The following FLNB variants were observed in gnomAD, a reference collection of about 807,000 sequenced individuals.
FLNB encodes filamin B.
Under a neutral mutation model 250.6 loss-of-function variants are expected in FLNB, and 111 were observed. The observed-to-expected ratio is 0.44, with a 90% CI of 0.38 to 0.52. FLNB has a LOEUF of 0.52. Ranked by LOEUF, FLNB falls within the 20% of genes least tolerant of loss-of-function variation. The pLI is 0.00. For missense variants in FLNB, 2,869 were observed against 3,447.8 expected (o/e 0.83, Z 4.20); for synonymous variants, 1,302 against 1,372.1 (o/e 0.95, Z 1.13).
chr3:58,100,373 A>ATATATATATATATATATATATATATATAT lies in FLNB; in HGVS notation c.1345+1465_1345+1466insTATATATATATATATATATATATATATAT, dbSNP rs1553696152. Among the ~76,000 whole-genome samples the ATATATATATATATATATATATATATATAT allele has an allele frequency of 7.8e-4, 81 of 104,328 alleles. 2 individuals carry two copies. The highest frequency in any genetic ancestry group is 2.1e-3 in the African/African-American group (47 of 21,904). The allele number at this position is 104,328 out of a possible 152,430, so 68.4% of individuals were successfully genotyped here. A position where few individuals can be genotyped will look rare whatever the true frequency, so the allele number is the denominator to read the frequency against. On this transcript the variant is annotated intron_variant, in intron 8 of 45. Coordinates refer to ENST00000295956, the MANE Select transcript of FLNB (RefSeq NM_001457.4). ...AATGATTTTACATATGTAAAAAAAA[A>ATATATATATATATATATATATATATATAT]ATATATATATATTTGCAGGGGCGCG...
rs2097291987 is a variant in FLNB at position 58,123,204 on chromosome 3, C to T, written c.3238C>T (p.Pro1080Ser). Reference protein sequence around the residue: ...TGGLGLTVEGPCEAKIECSDN... With the variant: ...TGGLGLTVEGSCEAKIECSDN... ...AGGTCTGGGCTTAACGGTGGAAGGT[C>T]CGTGCGAGGCCAAAATCGAGTGCTC... Residue 1080 changes from proline to serine, a missense_variant, in exon 21 of 46, where the codon CCG (proline) becomes TCG (serine). Physicochemically the swap from Pro to Ser is moderately conservative, Grantham distance 74. This residue lies in a region of FLNB where 1,348 missense variants were observed against 1,466.7 expected (regional missense o/e 0.92). Transcript: ENST00000295956. The T allele has an allele frequency of 6.2e-7, 1 of 1,613,818 alleles. No individual in the cohort carries two copies. Among genetic ancestry groups the T allele is most frequent in the East Asian group, 2.2e-5 (1 of 44,892 alleles).
chr3:58,151,873 G>A (rs955454721), intron 38 of FLNB, among the ~76,000 whole-genome samples: 4 of 152,162 alleles, frequency 2.6e-5, no homozygotes, highest in African/African-American at 4.8e-5. Flanking sequence ...TTGGCAGACC[G>A]CCCTCCACAT....
chr3:58,074,113 A>G (rs890256490), intron 1 of FLNB, among the ~76,000 whole-genome samples: 1 of 152,254 alleles, frequency 6.6e-6, no homozygotes, highest in Non-Finnish European at 1.5e-5. Flanking sequence ...AAAGGCTTTC[A>G]GTAAAGGAGA....
rs558540713 is a variant in FLNB at position 58,118,809 on chromosome 3, T to A, written c.2746-63T>A. 8.8e-5 allele frequency: 109 copies of A among 1,236,270 alleles called. No homozygotes were observed. In the South Asian group the frequency reaches 1.2e-3, roughly 14 times the overall value. 76.6% of individuals were successfully genotyped at this position (1,236,270 alleles called of 1,614,324 possible). A position where few individuals can be genotyped will look rare whatever the true frequency, so the allele number is the denominator to read the frequency against. ...AGAAGAATGAGGGATCTTGAGGGGATTTTAAATGCCAAGTTAGCTTTTTGG... is the reference window on the plus strand; with the variant it reads ...AGAAGAATGAGGGATCTTGAGGGGAATTTAAATGCCAAGTTAGCTTTTTGG... On this transcript the variant is annotated intron_variant, in intron 18 of 45. Transcript: ENST00000295956.
At chr3:58,158,856 C>T (rs1022478911) in intron 41 of FLNB, among the ~76,000 whole-genome samples, 8 of 152,078 alleles carry the variant, frequency 5.3e-5, no homozygotes, top group Non-Finnish European at 1.0e-4. Context: ...AATAAGCTGA[C>T]GTTTTCGAGC....
intron 29 of FLNB, among the ~76,000 whole-genome samples, chr3:58,140,431 G>T (rs192951218): frequency 1.3e-5 from 2 of 152,168 alleles, no homozygotes; most frequent in East Asian, 1.9e-4. Flanking sequence ...TCCAAATGTC[G>T]CTCACAGAGC....
At chr3:58,095,856 G>A (rs1221928958) in intron 5 of FLNB, among the ~76,000 whole-genome samples, 2 of 152,200 alleles carry the variant, frequency 1.3e-5, no homozygotes, top group African/African-American at 4.8e-5. Context: ...ACTATTGAGT[G>A]GATAAAGGTT....
chr3:58,092,073 T>C (rs1044019508), intron 4 of FLNB, among the ~76,000 whole-genome samples: 12 of 151,798 alleles, frequency 7.9e-5, no homozygotes, highest in Non-Finnish European at 1.6e-4. Flanking sequence ...AACAACCCAA[T>C]AAGAAAATGG....
rs62621997 is a variant in FLNB, at chr3:58,124,464, C to A, written c.3857C>A (p.Ala1286Glu). ...ASTECFVTDN[A>E]DGTYQVEYTP... ...ACCGAGTGCTTTGTCACAGACAATG[C>A]GGATGGGACCTACCAGGTGGAATAC... The change falls in exon 22 of 46, where the codon GCG (alanine) becomes GAG (glutamate). Residue 1286 changes from alanine to glutamate, a missense_variant. Physicochemically the swap from Ala to Glu is moderately radical, Grantham distance 107. Transcript: ENST00000295956. 3 of 1,614,150 alleles carry A rather than the reference C, an allele frequency of 1.9e-6. No homozygotes were observed. Among genetic ancestry groups the A allele is most frequent in the Admixed American group, 1.7e-5 (1 of 60,028 alleles).
intron 1 of FLNB, among the ~76,000 whole-genome samples, chr3:58,025,113 C>A (rs192686936): frequency 5.3e-4 from 54 of 102,548 alleles, no homozygotes; most frequent in African/African-American, 2.0e-3. Context: ...TTTCTTTTTT[C>A]TTTTCTTCTT....
chr3:58,024,943 C>T (rs1299289352), intron 1 of FLNB, among the ~76,000 whole-genome samples: 1 of 150,018 alleles, frequency 6.7e-6, no homozygotes, highest in Non-Finnish European at 1.5e-5. Flanking sequence ...AATCTCTTGA[C>T]CTCATACTCT....
At chr3:58,148,494 C>A in intron 35 of FLNB, 130 bp downstream of exon 35, 1 of 1,254,434 alleles carries the variant, frequency 8.0e-7, no homozygotes, top group Non-Finnish European at 1.1e-6. Flanking sequence ...GTCACACGCA[C>A]GATAAATGCC....
intron 1 of FLNB, among the ~76,000 whole-genome samples, chr3:58,074,885 CTT>C (rs1028343488): frequency 6.6e-6 from 1 of 152,104 alleles, no homozygotes; most frequent in African/African-American, 2.4e-5. Flanking sequence ...CCATGATACT[CTT>C]TGTTTTTTCC....
intron 32 of FLNB, among the ~76,000 whole-genome samples, chr3:58,144,691 G>C (rs528265968): frequency 6.6e-6 from 1 of 152,232 alleles, no homozygotes; most frequent in Non-Finnish European, 1.5e-5. Context: ...TTGCCCTTCA[G>C]AGGGGCTGTT....
chr3:58,126,144 A>G (rs988729787), intron 23 of FLNB, among the ~76,000 whole-genome samples: 10 of 152,216 alleles, frequency 6.6e-5, no homozygotes, highest in Non-Finnish European at 1.5e-5. Context: ...CAGGTGGCCG[A>G]GACGGGACAA....
intron 1 of FLNB, among the ~76,000 whole-genome samples, chr3:58,049,745 G>A (rs1377951377): frequency 2.0e-5 from 3 of 152,168 alleles, no homozygotes; most frequent in East Asian, 1.9e-4. Flanking sequence ...GCTTGCTCTC[G>A]GGGAACACTC....
At chr3:58,016,950 G>A (rs1234802855) in intron 1 of FLNB, among the ~76,000 whole-genome samples, 2 of 152,096 alleles carry the variant, frequency 1.3e-5, no homozygotes. Flanking sequence ...TTCATTAAAC[G>A]GGCACAGTAA....
intron 33 of FLNB, 49 bp downstream of exon 33, chr3:58,146,098 G>A: frequency 6.2e-7 from 1 of 1,608,506 alleles, no homozygotes. Flanking sequence ...CCATTTGGAG[G>A]GTGAAGTGGA....
intron 18 of FLNB, among the ~76,000 whole-genome samples, chr3:58,114,722 TG>T (rs1262950630): frequency 2.0e-5 from 3 of 151,390 alleles, no homozygotes; most frequent in South Asian, 2.1e-4. Context: ...TTTTTTTTGT[TG>T]TTGTTGTTGT....
Sources: gnomAD v4.1 joint callset for allele counts (sites outside exome capture counted in the v4.1 genomes callset) on GRCh38, gnomAD v4.1.1 for gene constraint, gnomAD v4.1.1 regional missense constraint, MANE v1.5 for transcripts, NCBI Gene and HGNC (gene_info 2026-07-23, HGNC 2026-07-21) for gene names.